MALRD1: variants seen among roughly 807,000 people sequenced by gnomAD.
MALRD1 encodes MAM and LDL-receptor class A domain-containing protein 1.
MALRD1 carries 247 observed loss-of-function variants against 242.1 expected under a neutral mutation model. That is an observed-to-expected ratio of 1.02 (90% CI 0.92 to 1.13). The LOEUF is 1.13. Among genes scored for constraint, MALRD1 ranks in the 50% most tolerant of loss-of-function variants. The probability of loss-of-function intolerance (pLI) is 0.00; values close to 1 mark genes in which losing one functional copy is unlikely to be tolerated. For synonymous variants in MALRD1, 995 were observed against 866.6 expected (o/e 1.15, Z -2.60); for missense variants, 2,989 against 2,533.1 (o/e 1.18, Z -3.86).
intron 26 of MALRD1, among the ~76,000 whole-genome samples, chr10:19,353,584 A>T (rs887621209): frequency 6.6e-6 from 1 of 152,202 alleles, no homozygotes; most frequent in Admixed American, 6.5e-5. Context: ...TCTTTGCCTG[A>T]CAGGCTTCTA....
intron 14 of MALRD1, among the ~76,000 whole-genome samples, chr10:19,202,706 G>A (rs1378549719): frequency 6.6e-6 from 1 of 152,090 alleles, no homozygotes; most frequent in Non-Finnish European, 1.5e-5. Context: ...CATCATCAGT[G>A]AAAATGAACT....
intron 29 of MALRD1, among the ~76,000 whole-genome samples, chr10:19,454,143 A>G (rs946839718): frequency 2.0e-5 from 3 of 151,958 alleles, no homozygotes; most frequent in African/African-American, 7.3e-5. Flanking sequence ...CTCACACAAA[A>G]CAGTCAGAGA....
At position 19,057,420 on chromosome 10, in the gene MALRD1, G is replaced by A. The variant is rs189865437; in HGVS notation, c.199+8283G>A. 3.0e-3 allele frequency among the ~76,000 whole-genome samples: 464 copies of A among 152,170 alleles called. 2 individuals are homozygous for A. Among genetic ancestry groups the A allele is most frequent in the African/African-American group, 0.011 (442 of 41,524 alleles). ...CTCTCCCGTGGCTGTTCTTGAGAGG[G>A]CAGTCATCCAGTCCTGAAGGCACCA... On this transcript the variant is annotated intron_variant, in intron 1 of 39. Transcript: ENST00000454679.
chr10:19,554,709 C>T (rs1022474361), intron 32 of MALRD1, among the ~76,000 whole-genome samples: 1 of 152,140 alleles, frequency 6.6e-6, no homozygotes, highest in African/African-American at 2.4e-5. Flanking sequence ...TATGTCCCTG[C>T]AAAGGACATG....
chr10:19,511,975 C>T (rs1833421751), intron 31 of MALRD1, among the ~76,000 whole-genome samples: 1 of 151,944 alleles, frequency 6.6e-6, no homozygotes, highest in Admixed American at 6.6e-5. Flanking sequence ...TCAGTTTTGC[C>T]TTGAGGTCTC....
rs148591895 is a variant in MALRD1 at position 19,565,585 on chromosome 10, A to G, written c.5479-1917A>G. ...CAACAAGTTGAATTAGAAACTTCAC[A>G]TCTTTTTATTTTTAATTTTTAAGAA... On this transcript the variant is annotated intron_variant, in intron 32 of 39. Transcript: ENST00000454679. Among the ~76,000 whole-genome samples the G allele has an allele frequency of 1.8e-3, 267 of 152,278 alleles. 3 individuals are homozygous for G. Among genetic ancestry groups the G allele is most frequent in the African/African-American group, 6.2e-3 (258 of 41,564 alleles).
Position 19,283,040 on chromosome 10 carries a change from A to AG in MALRD1, c.3279dup (p.Lys1094GlufsTer6). 6 of 1,547,326 alleles carry AG rather than the reference A, an allele frequency of 3.9e-6. No individual in the cohort carries two copies. The highest frequency in any genetic ancestry group is 5.2e-6 in the Non-Finnish European group (6 of 1,145,178). ...CAAGTTATGGAAGTTTGCAGCTTTG[A>AG]GAAAAGAAGCCTGTGTAAATGGTAT... On this transcript the variant is annotated frameshift_variant, in exon 21 of 40. Transcript: ENST00000454679. LOFTEE classifies it high-confidence loss of function.
chr10:19,710,687 A>G (rs1834067167), intron 38 of MALRD1: 1 of 152,184 alleles, frequency 6.6e-6, no homozygotes, highest in Admixed American at 6.5e-5. Context: ...CCATATTCTA[A>G]TTATTTGGTC....
intron 10 of MALRD1, among the ~76,000 whole-genome samples, chr10:19,141,780 A>G (rs1403607027): frequency 1.3e-5 from 2 of 152,140 alleles, no homozygotes; most frequent in African/African-American, 4.8e-5. Context: ...TTCACAGGGG[A>G]CGTTGGTATA....
chr10:19,483,315 C>A (rs370976659), intron 29 of MALRD1, among the ~76,000 whole-genome samples: 11 of 151,720 alleles, frequency 7.3e-5, no homozygotes, highest in African/African-American at 2.7e-4. Context: ...ACAAATGGAG[C>A]CTAATTAAAG....
chr10:19,154,041 C>A (rs1212314995), intron 11 of MALRD1, among the ~76,000 whole-genome samples: 1 of 152,162 alleles, frequency 6.6e-6, no homozygotes, highest in African/African-American at 2.4e-5. Flanking sequence ...TTTTCCCATT[C>A]TTTTCCTTTT....
At chr10:19,136,516 G>GT in intron 9 of MALRD1, 58 bp from the exon 10 acceptor site, 2 of 1,023,806 alleles carry the variant, frequency 2.0e-6, no homozygotes, top group South Asian at 5.0e-5. Flanking sequence ...ACCTTCTTTA[G>GT]TTTTTTGTCT....
chr10:19,661,520 A>C (rs28517307), intron 36 of MALRD1, among the ~76,000 whole-genome samples: 15,474 of 152,124 alleles, frequency 0.1, 1,964 homozygotes, highest in African/African-American at 0.3. Context: ...TCATTCTCAG[A>C]AAACTGTCAC....
intron 36 of MALRD1, among the ~76,000 whole-genome samples, chr10:19,627,970 T>G (rs1308925203): frequency 6.7e-6 from 1 of 149,372 alleles, no homozygotes; most frequent in South Asian, 2.1e-4. Flanking sequence ...CAAAACAAAA[T>G]TATGTAACAG....
intron 18 of MALRD1, among the ~76,000 whole-genome samples, chr10:19,231,094 A>G (rs886356644): frequency 6.6e-6 from 1 of 152,138 alleles, no homozygotes; most frequent in Non-Finnish European, 1.5e-5. Context: ...AGGAGATCTA[A>G]TTAATAACTT....
At chr10:19,284,181 T>C (rs962783817) in intron 21 of MALRD1, among the ~76,000 whole-genome samples, 6 of 152,330 alleles carry the variant, frequency 3.9e-5, no homozygotes, top group Non-Finnish European at 7.3e-5. Context: ...ATTTTGAACT[T>C]TTTTCACTTT....
At chr10:19,176,874 G>GTGTGTGTGTGCGCGTGCATGTGTGCA (rs1835280892) in intron 14 of MALRD1, among the ~76,000 whole-genome samples, 1 of 99,136 alleles carries the variant, frequency 1.0e-5, no homozygotes, top group Non-Finnish European at 2.4e-5. Context: ...GTGTGCATGT[G>GTGTGTGTGTGCGCGTGCATGTGTGCA]TGTGTGTGTG....
At chr10:19,259,699 G>A (rs1474478969) in intron 19 of MALRD1, among the ~76,000 whole-genome samples, 1 of 152,076 alleles carries the variant, frequency 6.6e-6, no homozygotes, top group South Asian at 2.1e-4. Flanking sequence ...CATATGGTTA[G>A]GGCTTTTCCA....
chr10:19,365,688 A>AAAC (rs146161301), intron 26 of MALRD1, among the ~76,000 whole-genome samples: 2 of 142,310 alleles, frequency 1.4e-5, no homozygotes, highest in African/African-American at 5.2e-5. Flanking sequence ...AAAAAAAAAA[A>AAAC]CAAGCTACTA....
Sources: gnomAD v4.1 joint callset for allele counts (sites outside exome capture counted in the v4.1 genomes callset) on GRCh38, gnomAD v4.1.1 for gene constraint, MANE v1.5 for transcripts, NCBI Gene and HGNC (gene_info 2026-07-23, HGNC 2026-07-21) for gene names.